The following CCDC88C variants were observed in gnomAD, a reference collection of about 807,000 sequenced individuals.
CCDC88C encodes the protein protein Daple.
Under a neutral mutation model 198.8 loss-of-function variants are expected in CCDC88C, and 131 were observed. The observed-to-expected ratio is 0.66, with a 90% CI of 0.57 to 0.76. The LOEUF (loss-of-function observed/expected upper bound fraction) is 0.76. CCDC88C is among the 30% of genes least tolerant of loss of function. The probability of loss-of-function intolerance (pLI) is 0.00; values close to 1 mark genes in which losing one functional copy is unlikely to be tolerated. For synonymous variants in CCDC88C, 1,166 were observed against 1,114.7 expected (o/e 1.05, Z -0.92); for missense variants, 2,553 against 2,631.6 (o/e 0.97, Z 0.65).
chr14:91,326,526 T>C (rs530872605), intron 10 of CCDC88C, among the ~76,000 whole-genome samples: 1 of 152,242 alleles, frequency 6.6e-6, no homozygotes, highest in African/African-American at 2.4e-5. Flanking sequence ...CTTCACCCTT[T>C]TTAATCGGGC....
intron 3 of CCDC88C, among the ~76,000 whole-genome samples, chr14:91,399,982 G>A (rs527895389): frequency 6.6e-5 from 10 of 151,866 alleles, no homozygotes; most frequent in African/African-American, 1.9e-4. Flanking sequence ...TGCAGGTGCC[G>A]CTCTTCCCCA....
chr14:91,279,737 G>C (rs1278838307), intron 27 of CCDC88C: 1 of 159,770 alleles, frequency 6.3e-6, no homozygotes, highest in East Asian at 1.8e-4. Context: ...CACGGGAAGA[G>C]AGATGAGGAC....
rs538684003 is a variant in CCDC88C, at chr14:91,313,955, C to T, written c.1861G>A (p.Glu621Lys). ...CGCTCCCCCTTCTCCTTGGCCTGCT[C>T]CAAGTCCCTGTGCAGCTGCCGCTTC... The part of the protein sequence containing the change: ...FEKRQLHRDL[E>K]QAKEKGERAE... Residue 621 changes from glutamate to lysine, a missense_variant, in exon 15 of 30, where the codon GAG (glutamate) becomes AAG (lysine). By Grantham distance (56) the Glu-to-Lys change is moderately conservative (BLOSUM62 1). Coordinates refer to ENST00000389857, the MANE Select transcript of CCDC88C (RefSeq NM_001080414.4). This position sits in a 1 kb window ranked among gnomAD's most constrained non-coding sequence, Gnocchi z 5.2. 4 of 1,613,686 alleles carry T rather than the reference C, an allele frequency of 2.5e-6. No homozygotes were observed. The highest frequency in any genetic ancestry group is 1.7e-5 in the Admixed American group (1 of 60,010).
Position 91,339,474 on chromosome 14 carries a change from CAG to C in CCDC88C, c.625-14_625-13del, listed in dbSNP as rs765847752. On this transcript the variant is annotated splice_polypyrimidine_tract_variant and intron_variant, in intron 7 of 29. Coordinates refer to ENST00000389857, the MANE Select transcript of CCDC88C (RefSeq NM_001080414.4). This position sits in a 1 kb window ranked among gnomAD's most constrained non-coding sequence, Gnocchi z 5.8. ...AGGTCCACGATCAGCTGCAGCCGGGCAGAGAGGGGGATGGAGGAGAACAAACG... is the reference window on the plus strand; with the variant it reads ...AGGTCCACGATCAGCTGCAGCCGGGCAGAGGGGGATGGAGGAGAACAAACG... The C allele has an allele frequency of 5.0e-6, 8 of 1,598,378 alleles. No individual in the cohort carries two copies. In the African/African-American group the frequency reaches 5.4e-5, roughly 11 times the overall value.
rs1246232268 is a variant in CCDC88C, at chr14:91,311,758, G to C, written c.2736+1322C>G. On this transcript the variant is annotated intron_variant, in intron 15 of 29. Coordinates refer to ENST00000389857, the MANE Select transcript of CCDC88C (RefSeq NM_001080414.4). ...GGTGGCCCACACAACACTTACCAGG[G>C]TAAGGACAACATGGAATTCTGGAGG... Among the ~76,000 whole-genome samples the C allele has an allele frequency of 3.3e-5, 5 of 152,238 alleles. No individual in the cohort carries two copies. In the East Asian group the frequency reaches 9.7e-4, roughly 29 times the overall value.
At chr14:91,376,173 G>T (rs1233608886) in intron 3 of CCDC88C, among the ~76,000 whole-genome samples, 1 of 151,968 alleles carries the variant, frequency 6.6e-6, no homozygotes, top group Non-Finnish European at 1.5e-5. Flanking sequence ...ACAGGGTGAC[G>T]ATCATAGGTC....
chr14:91,339,767 C>G lies in CCDC88C; in HGVS notation c.624+117G>C, dbSNP rs1308367196. The G allele has an allele frequency of 1.6e-6, 2 of 1,251,436 alleles. No homozygotes were observed. The highest frequency in any genetic ancestry group is 2.2e-6 in the Non-Finnish European group (2 of 929,100). The allele number at this position is 1,251,436 out of a possible 1,614,324, so 77.5% of individuals were successfully genotyped here. ...AACCAGGGAAAGCACGCACGTCCCA[C>G]CCCCACCAGAACCTCAGCAGCAGGA... is the stretch of plus-strand genomic sequence containing the variant. On this transcript the variant is annotated intron_variant, in intron 7 of 29. Coordinates refer to ENST00000389857, the MANE Select transcript of CCDC88C (RefSeq NM_001080414.4). The surrounding 1 kb of genome is among the most constrained non-coding windows in gnomAD (Gnocchi z 5.8).
intron 3 of CCDC88C, among the ~76,000 whole-genome samples, chr14:91,387,220 T>C (rs1157354177): frequency 6.6e-6 from 1 of 152,142 alleles, no homozygotes; most frequent in Non-Finnish European, 1.5e-5. Flanking sequence ...AAAGATAATT[T>C]AACTCCTTTA....
In CCDC88C at chr14:91,313,812, G is replaced by A; in HGVS notation, c.2004C>T (p.Ser668=). The part of the protein sequence containing the change: ...TEKVEALEHE[S]QGLQLENRTL... ...TCCGGTTCTCCAGCTGCAGGCCCTGGCTCTCATGCTCCAGGGCCTCGACTT... is the reference window on the plus strand; with the variant it reads ...TCCGGTTCTCCAGCTGCAGGCCCTGACTCTCATGCTCCAGGGCCTCGACTT... Residue 668 remains serine, a synonymous_variant, in exon 15 of 30, where the codon AGC becomes AGT. Transcript: ENST00000389857. This position sits in a 1 kb window ranked among gnomAD's most constrained non-coding sequence, Gnocchi z 5.2. 6.2e-7 allele frequency: 1 copy of A among 1,604,122 alleles called. No homozygotes were observed. The highest frequency in any genetic ancestry group is 8.5e-7 in the Non-Finnish European group (1 of 1,177,894).
intron 3 of CCDC88C, among the ~76,000 whole-genome samples, chr14:91,399,849 A>AG (rs1188396668): frequency 6.7e-6 from 1 of 148,382 alleles, no homozygotes; most frequent in East Asian, 2.0e-4. Flanking sequence ...AAAAAAAAAA[A>AG]AAAAAAAGAA....
chr14:91,399,399 C>T (rs73340436), intron 3 of CCDC88C, among the ~76,000 whole-genome samples: 4,231 of 152,254 alleles, frequency 0.028, 211 homozygotes, highest in African/African-American at 0.096. Flanking sequence ...TGGGCTGGAT[C>T]CCCATAGAGT....
chr14:91,348,925 AT>A (rs990852499), intron 4 of CCDC88C, among the ~76,000 whole-genome samples: 6 of 152,042 alleles, frequency 3.9e-5, no homozygotes, highest in Admixed American at 2.0e-4. Context: ...TTCCTACAAA[AT>A]TTTTTTTTAA....
intron 12 of CCDC88C, among the ~76,000 whole-genome samples, chr14:91,321,784 A>C (rs925895573): frequency 1.3e-5 from 2 of 152,206 alleles, no homozygotes; most frequent in South Asian, 4.1e-4. Context: ...TGTGTCGGGC[A>C]CTTGTCAGCC....
intron 21 of CCDC88C, among the ~76,000 whole-genome samples, chr14:91,298,813 G>A (rs536233189): frequency 4.6e-5 from 7 of 152,118 alleles, no homozygotes; most frequent in Admixed American, 6.5e-5. Flanking sequence ...CCGTATACAC[G>A]AACTCGAGTA....
At chr14:91,286,684 C>T (rs545460050) in intron 25 of CCDC88C, among the ~76,000 whole-genome samples, 3 of 152,348 alleles carry the variant, frequency 2.0e-5, no homozygotes, top group South Asian at 2.1e-4. Flanking sequence ...TTATTCAAGG[C>T]TGGTGTCCTT....
chr14:91,303,956 G>C lies in CCDC88C; in HGVS notation c.3380C>G (p.Ser1127Cys). 1 of 1,605,740 alleles carries C rather than the reference G, an allele frequency of 6.2e-7. No homozygotes were observed. Among genetic ancestry groups the C allele is most frequent in the Non-Finnish European group, 8.5e-7 (1 of 1,177,970 alleles). The change falls in exon 20 of 30, where the codon TCC becomes TGC. Residue 1127 changes from serine to cysteine, a missense_variant. This residue lies in a region of CCDC88C where 1,293 missense variants were observed against 1,219.6 expected (regional missense o/e 1.06). Transcript: ENST00000389857. ...KLQVENSTLS[S>C]QSAALTAQYT... ...CTGCGCGGTGAGCGCTGCGCTCTGG[G>C]AACTCAGCGTGGAGTTCTCCACCTG...
intron 3 of CCDC88C, among the ~76,000 whole-genome samples, chr14:91,364,869 C>G (rs1371920621): frequency 6.6e-6 from 1 of 152,176 alleles, no homozygotes. Context: ...CTATTAGAAC[C>G]TGCTGGGGAC....
At chr14:91,389,668 C>G (rs1289654941) in intron 3 of CCDC88C, among the ~76,000 whole-genome samples, 1 of 146,176 alleles carries the variant, frequency 6.8e-6, no homozygotes, top group African/African-American at 2.6e-5. Context: ...TCACTTGAAC[C>G]CAGGAGTTCC....
chr14:91,331,854 G>A (rs1192787034), intron 10 of CCDC88C, among the ~76,000 whole-genome samples: 2 of 152,198 alleles, frequency 1.3e-5, no homozygotes, highest in African/African-American at 4.8e-5. Flanking sequence ...GGCAAGCTGG[G>A]TATAGACTGT....
Sources: allele counts gnomAD v4.1 joint callset (sites outside exome capture counted in the v4.1 genomes callset), GRCh38; gene constraint gnomAD v4.1.1; regional missense constraint gnomAD v4.1.1; non-coding constraint Gnocchi (gnomAD v3.1); transcripts MANE v1.5; gene names NCBI Gene and HGNC (gene_info 2026-07-23, HGNC 2026-07-21).